TTC6: variants seen among roughly 807,000 people sequenced by gnomAD.
TTC6 encodes the protein tetratricopeptide repeat domain 6.
TTC6 carries 172 observed loss-of-function variants against 210.4 expected under a neutral mutation model. The observed-to-expected ratio is 0.82, with a 90% CI of 0.72 to 0.93. The LOEUF is 0.93. Among genes scored for constraint, TTC6 ranks in the 40% least tolerant of loss-of-function variants. The probability of loss-of-function intolerance (pLI) is 0.00; values close to 1 mark genes in which losing one functional copy is unlikely to be tolerated. For missense variants in TTC6, 2,414 were observed against 2,318.1 expected, an observed-to-expected ratio of 1.04 and a Z score of -0.85; for synonymous variants, 804 against 819.6, an observed-to-expected ratio of 0.98 and a Z score of 0.32.
Position 37,724,889 on chromosome 14 carries a change from T to C in TTC6, c.1714-9T>C, listed in dbSNP as rs751104939. 1 of 1,480,232 alleles carries C rather than the reference T, an allele frequency of 6.8e-7. No individual in the cohort carries two copies. 91.7% of individuals were successfully genotyped at this position (1,480,232 alleles called of 1,614,324 possible). ...CCATTTCTAATAACCTTTTATGTTA[T>C]TTTCAAAGATGTATGCTTATCCAGA... On this transcript the variant is annotated splice_polypyrimidine_tract_variant and intron_variant, in intron 6 of 30. Transcript: ENST00000553443.
intron 30 of TTC6, 100 bp from the exon 33 acceptor site, chr14:37,842,054 GT>G: frequency 9.3e-7 from 1 of 1,074,922 alleles, no homozygotes; most frequent in Non-Finnish European, 1.3e-6. Flanking sequence ...CATCCATTGA[GT>G]TAATTTTTTT....
chr14:37,616,475 GGT>G (rs897431230), intron 2 of TTC6, among the ~76,000 whole-genome samples: 2 of 151,952 alleles, frequency 1.3e-5, no homozygotes, highest in African/African-American at 4.8e-5. Flanking sequence ...AGAATTCTTA[GGT>G]CAATAAAAAA....
At chr14:37,734,335 A>G (rs1350651967) in intron 7 of TTC6, among the ~76,000 whole-genome samples, 1 of 152,232 alleles carries the variant, frequency 6.6e-6, no homozygotes, top group African/African-American at 2.4e-5. Context: ...CATCTCAGAT[A>G]GATTCTGGGC....
Position 37,807,414 on chromosome 14 carries a change from G to T in TTC6, c.4409G>T (p.Ser1470Ile), listed in dbSNP as rs1434679867. The T allele has an allele frequency of 2.6e-6, 4 of 1,530,404 alleles. No individual in the cohort carries two copies. In the South Asian group the frequency reaches 4.8e-5, roughly 18 times the overall value. The allele number at this position is 1,530,404 out of a possible 1,614,324, so 94.8% of individuals were successfully genotyped here. A position where few individuals can be genotyped will look rare whatever the true frequency, so the allele number is the denominator to read the frequency against. ...AAGGCTATTAAAATTTACCCTGAAA[G>T]CGTACGTGCCTATCTCTACAGAGGA... Residue 1470 changes from serine to isoleucine, a missense_variant, in exon 23 of 31, where the codon AGC becomes ATC. Transcript: ENST00000553443.
At chr14:37,827,095 C>T (rs1433114186) in intron 28 of TTC6, 101 bp from the exon 31 acceptor site, 5 of 942,562 alleles carry the variant, frequency 5.3e-6, no homozygotes, top group Non-Finnish European at 7.5e-6. Flanking sequence ...TAAAATTACT[C>T]ATTTCCCACA....
At chr14:37,680,636 A>G (rs1176529841) in intron 2 of TTC6, among the ~76,000 whole-genome samples, 2 of 152,174 alleles carry the variant, frequency 1.3e-5, no homozygotes, top group Admixed American at 1.3e-4. Flanking sequence ...CAAGGGGAGA[A>G]TTTGGTTGAG....
chr14:37,597,131 T>C (rs2095606240), intron 1 of TTC6, among the ~76,000 whole-genome samples: 1 of 152,038 alleles, frequency 6.6e-6, no homozygotes, highest in South Asian at 2.1e-4. Context: ...TGCAGCCTGC[T>C]CCTGTGACTG....
At chr14:37,796,343 A>G (rs559025860) in exon 19 of TTC6, 31 of 1,260,338 alleles carry the variant, frequency 2.5e-5, no homozygotes, top group African/African-American at 1.7e-4. Flanking sequence ...AAAGTTTACT[A>G]TTTATCAAAT....
At chr14:37,682,374 T>G (rs1445111906) in intron 2 of TTC6, among the ~76,000 whole-genome samples, 1 of 150,980 alleles carries the variant, frequency 6.6e-6, no homozygotes, top group African/African-American at 2.4e-5. Context: ...ACTTGTGATA[T>G]GGAAAAAAAA....
intron 14 of TTC6, among the ~76,000 whole-genome samples, chr14:37,773,160 A>G (rs567735199): frequency 9.2e-5 from 14 of 152,006 alleles, no homozygotes; most frequent in African/African-American, 2.7e-4. Flanking sequence ...TAGATTCTGG[A>G]TATTAGACCT....
In TTC6 at chr14:37,612,918, C is replaced by T. The variant is rs113542460; in HGVS notation, c.-155+6176C>T. 8.5e-3 allele frequency among the ~76,000 whole-genome samples: 1,290 copies of T among 152,254 alleles called. 7 individuals are homozygous for T. Among genetic ancestry groups the T allele is most frequent in the Middle Eastern group, 0.045 (13 of 292 alleles). On this transcript the variant is annotated intron_variant, in intron 2 of 2. Coordinates refer to the TTC6 transcript ENST00000556845. ...AGGATTTTTATCCTAAAAATTATGT[C>T]ATCTGCAAATAGGGACGCTTTAACC...
intron 2 of TTC6, among the ~76,000 whole-genome samples, chr14:37,609,988 G>A (rs1309337864): frequency 1.3e-5 from 2 of 152,188 alleles, no homozygotes; most frequent in Non-Finnish European, 2.9e-5. Flanking sequence ...CATCTTGAGA[G>A]CATTCAGCAA....
intron 14 of TTC6, 93 bp from the exon 17 acceptor site, chr14:37,787,375 T>G: frequency 1.1e-6 from 1 of 909,924 alleles, no homozygotes; most frequent in East Asian, 2.7e-5. Flanking sequence ...ATTTACAAAT[T>G]GTTATTCAAA....
intron 1 of TTC6, among the ~76,000 whole-genome samples, chr14:37,651,533 G>C (rs1376861476): frequency 2.7e-5 from 4 of 146,216 alleles, no homozygotes; most frequent in Non-Finnish European, 6.0e-5. Context: ...CCTTCAAGCT[G>C]CCACATATTA....
chr14:37,793,339 C>T (rs965872585), intron 17 of TTC6, among the ~76,000 whole-genome samples: 1 of 152,156 alleles, frequency 6.6e-6, no homozygotes, highest in Non-Finnish European at 1.5e-5. Flanking sequence ...CTAGGCTATA[C>T]TGAGGTAAAA....
intron 14 of TTC6, among the ~76,000 whole-genome samples, chr14:37,780,349 T>G (rs1428801038): frequency 1.3e-5 from 2 of 152,214 alleles, no homozygotes; most frequent in Non-Finnish European, 2.9e-5. Context: ...TCCCATCACC[T>G]AGGTGTTAAG....
intron 6 of TTC6, 34 bp downstream of exon 8, chr14:37,714,830 C>A (rs1311064821): frequency 6.6e-7 from 1 of 1,514,212 alleles, no homozygotes; most frequent in African/African-American, 1.4e-5. Flanking sequence ...TTTTTTTGTA[C>A]CTCACAGGTC....
At chr14:37,602,385 C>A (rs950252510) in intron 1 of TTC6, among the ~76,000 whole-genome samples, 2 of 152,234 alleles carry the variant, frequency 1.3e-5, no homozygotes, top group Non-Finnish European at 2.9e-5. Context: ...CCTTACAGGA[C>A]CACCAATCTC....
chr14:37,639,916 G>GATATATCTATATATCT (rs146831238), intron 1 of TTC6, among the ~76,000 whole-genome samples: 3 of 145,554 alleles, frequency 2.1e-5, no homozygotes, highest in East Asian at 2.0e-4. Flanking sequence ...AGAAAAATAA[G>GATATATCTATATATCT]ATATATCTAT....
Sources: allele counts gnomAD v4.1 joint callset (sites outside exome capture counted in the v4.1 genomes callset), GRCh38; gene constraint gnomAD v4.1.1; transcripts MANE v1.5; gene names NCBI Gene and HGNC (gene_info 2026-07-23, HGNC 2026-07-21).